The following EGFR variants were observed in gnomAD, a reference collection of about 807,000 sequenced individuals.
EGFR encodes the protein epidermal growth factor receptor, also known as avian erythroblastic leukemia viral (v-erb-b) oncogene homolog.
Under a neutral mutation model 143.0 loss-of-function variants are expected in EGFR, and 58 were observed. The observed-to-expected ratio is 0.41, with a 90% CI of 0.33 to 0.50. The LOEUF (loss-of-function observed/expected upper bound fraction) is 0.50. Among genes scored for constraint, EGFR ranks in the 20% least tolerant of loss-of-function variants. The pLI, the probability that EGFR is intolerant of heterozygous loss-of-function variation, is 0.39. For synonymous variants in EGFR, 613 were observed against 594.4 expected (o/e 1.03, Z -0.45); for missense variants, 1,307 against 1,579.0 (o/e 0.83, Z 2.92).
At position 55,146,682 on chromosome 7, in the gene EGFR, A is replaced by T. The variant is rs2128929536; in HGVS notation, c.501A>T (p.Ile167=). ...TGGAGAGCATCCAGTGGCGGGACAT[A>T]GTCAGCAGTGACTTTCTCAGCAACA... ...CNVESIQWRD[I]VSSDFLSNMS... Residue 167 remains isoleucine (I), a synonymous_variant, in exon 4 of 28, where the codon ATA becomes ATT. Coordinates refer to ENST00000275493, the MANE Select transcript of EGFR (RefSeq NM_005228.5). The T allele has an allele frequency of 6.2e-7, 1 of 1,614,112 alleles. No individual in the cohort carries two copies. Among genetic ancestry groups the T allele is most frequent in the Admixed American group, 1.7e-5 (1 of 60,024 alleles).
intron 1 of EGFR, among the ~76,000 whole-genome samples, chr7:55,020,559 TACACAC>T (rs11568315): frequency 2.3e-4 from 33 of 145,238 alleles, no homozygotes; most frequent in South Asian, 1.8e-3. Flanking sequence ...AAACCTGTCT[TACACAC>T]ACACACACAC....
At chr7:55,046,421 T>C (rs1051500274) in intron 1 of EGFR, among the ~76,000 whole-genome samples, 6 of 152,194 alleles carry the variant, frequency 3.9e-5, no homozygotes, top group Non-Finnish European at 7.3e-5. Flanking sequence ...CCTAATTCCT[T>C]ACTCTTCAGA....
chr7:55,183,668 C>G (rs1786997510), intron 20 of EGFR, among the ~76,000 whole-genome samples: 1 of 152,256 alleles, frequency 6.6e-6, no homozygotes, highest in Non-Finnish European at 1.5e-5. Context: ...ATGGAGAGCA[C>G]TGCCCTCCTT....
chr7:55,145,130 C>T lies in EGFR; in HGVS notation c.425-1476C>T, dbSNP rs17336380. Among the ~76,000 whole-genome samples, 880 of 152,290 alleles carry T rather than the reference C, an allele frequency of 5.8e-3. 10 individuals are homozygous for T. The highest frequency in any genetic ancestry group is 0.021 in the African/African-American group (852 of 41,560). On this transcript the variant is annotated intron_variant, in intron 3 of 27. Transcript: ENST00000275493. ...GCTCCTGCAGCCTCCCTCACGTGTG[C>T]TGGCCCTCCTCTGGCAGTCATTGCC... is the stretch of plus-strand genomic sequence containing the variant.
intron 1 of EGFR, among the ~76,000 whole-genome samples, chr7:55,111,402 T>C (rs1792481433): frequency 6.6e-6 from 1 of 151,972 alleles, no homozygotes; most frequent in Admixed American, 6.6e-5. Flanking sequence ...ACACCTTTTA[T>C]TTATTAGACT....
chr7:55,029,150 C>G (rs1787108817), intron 1 of EGFR, among the ~76,000 whole-genome samples: 1 of 152,048 alleles, frequency 6.6e-6, no homozygotes, highest in Non-Finnish European at 1.5e-5. Context: ...CAGAGCAAGA[C>G]TCAGTCAAAA....
intron 3 of EGFR, among the ~76,000 whole-genome samples, chr7:55,144,252 T>C (rs945898954): frequency 6.6e-6 from 1 of 152,216 alleles, no homozygotes; most frequent in Admixed American, 6.5e-5. Flanking sequence ...TCAGGGCTAA[T>C]TGAATGTATA....
At chr7:55,136,744 G>A (rs1263590173) in intron 1 of EGFR, among the ~76,000 whole-genome samples, 1 of 152,114 alleles carries the variant, frequency 6.6e-6, no homozygotes, top group East Asian at 1.9e-4. Context: ...TTACTTTCTT[G>A]CGATGCCAGG....
intron 3 of EGFR, 150 bp from the exon 4 acceptor site, chr7:55,146,456 C>A: frequency 8.1e-7 from 1 of 1,240,766 alleles, no homozygotes. Flanking sequence ...ATCTGGCCGC[C>A]CCCCGGGAAG....
At chr7:55,020,175 G>C (rs1274311794) in intron 1 of EGFR, among the ~76,000 whole-genome samples, 1 of 152,200 alleles carries the variant, frequency 6.6e-6, no homozygotes, top group Non-Finnish European at 1.5e-5. Context: ...CGCTCGCCTC[G>C]CCCGGTGCGC....
Position 55,153,962 on chromosome 7 carries a change from G to A in EGFR, c.748-49G>A, listed in dbSNP as rs4947986. On this transcript the variant is annotated intron_variant, in intron 6 of 27. Coordinates refer to ENST00000275493, the MANE Select transcript of EGFR (RefSeq NM_005228.5). ...GTGCTGCGCTTCCTCCGTGTGTGGCGCTGAGTGTACTTACCTCACTTGCCC... is the reference window on the plus strand; with the variant it reads ...GTGCTGCGCTTCCTCCGTGTGTGGCACTGAGTGTACTTACCTCACTTGCCC... 457,353 of 1,613,446 alleles carry A rather than the reference G, an allele frequency of 0.28. 70,446 individuals carry two copies. Among genetic ancestry groups the A allele is most frequent in the East Asian group, 0.67 (29,933 of 44,824 alleles).
chr7:55,157,047 A>T (rs995465684), intron 10 of EGFR: 3 of 1,236,268 alleles, frequency 2.4e-6, no homozygotes, highest in Non-Finnish European at 2.2e-6. Context: ...TGCGGTGTAA[A>T]CACGCTTTCT....
rs1788191243 is a variant in EGFR at position 55,209,627 on chromosome 7, G to A, written c.*4010G>A. 6.6e-6 allele frequency: 1 copy of A among 152,186 alleles called. No homozygotes were observed. The highest frequency in any genetic ancestry group is 2.4e-5 in the African/African-American group (1 of 41,428). 9.4% of individuals were successfully genotyped at this position (152,186 alleles called of 1,614,324 possible). A position where few individuals can be genotyped will look rare whatever the true frequency, so the allele number is the denominator to read the frequency against. Reference sequence around the variant, plus strand: ...TCTGCTCACATTTCCTTGCCTGGGGGCTGTAAAACCTTACAGAACAGAAAT... The same window carrying A: ...TCTGCTCACATTTCCTTGCCTGGGGACTGTAAAACCTTACAGAACAGAAAT... On this transcript the variant is annotated 3_prime_UTR_variant, in exon 28 of 28. Coordinates refer to ENST00000275493, the MANE Select transcript of EGFR (RefSeq NM_005228.5).
At chr7:55,078,022 TG>T (rs1790230226) in intron 1 of EGFR, among the ~76,000 whole-genome samples, 1 of 152,084 alleles carries the variant, frequency 6.6e-6, no homozygotes, top group African/African-American at 2.4e-5. Flanking sequence ...CTGGCCCTCT[TG>T]GGGTAAGGTA....
chr7:55,111,858 T>C (rs1456367044), intron 1 of EGFR, among the ~76,000 whole-genome samples: 30 of 152,234 alleles, frequency 2.0e-4, no homozygotes, highest in Admixed American at 1.9e-3. Context: ...AGGTGAAACA[T>C]ATTCCTTTGC....
chr7:55,061,456 G>A (rs954104887), intron 1 of EGFR, among the ~76,000 whole-genome samples: 1 of 152,184 alleles, frequency 6.6e-6, no homozygotes, highest in African/African-American at 2.4e-5. Flanking sequence ...GCCACAGAGG[G>A]AAAGGGGACA....
intron 27 of EGFR, among the ~76,000 whole-genome samples, chr7:55,204,802 A>G (rs572822710): frequency 1.5e-5 from 2 of 134,528 alleles, no homozygotes; most frequent in Middle Eastern, 4.8e-3. Flanking sequence ...ATACACACGT[A>G]TACACACACC....
chr7:55,183,403 G>A (rs1786983522), intron 20 of EGFR, among the ~76,000 whole-genome samples: 1 of 152,114 alleles, frequency 6.6e-6, no homozygotes, highest in African/African-American at 2.4e-5. Flanking sequence ...TTGCATTTAG[G>A]ACCCACCCTA....
chr7:55,032,598 G>T (rs1017278915), intron 1 of EGFR, among the ~76,000 whole-genome samples: 3 of 152,152 alleles, frequency 2.0e-5, no homozygotes, highest in African/African-American at 7.2e-5. Flanking sequence ...AGCTAGCTTT[G>T]CTGGCTGGTT....
Sources: gnomAD v4.1 joint callset for allele counts (sites outside exome capture counted in the v4.1 genomes callset) on GRCh38, gnomAD v4.1.1 for gene constraint, MANE v1.5 for transcripts, NCBI Gene and HGNC (gene_info 2026-07-23, HGNC 2026-07-21) for gene names.